The following MSRA variants were observed in gnomAD, a reference collection of about 807,000 sequenced individuals.
MSRA encodes methionine sulfoxide reductase A.
Under a neutral mutation model 31.3 loss-of-function variants are expected in MSRA, and 54 were observed. That is an observed-to-expected ratio of 1.73 (90% CI 1.39 to 2.17). MSRA has a LOEUF of 2.17. MSRA is among the 30% of genes most tolerant of loss of function. The probability of loss-of-function intolerance (pLI) is 0.00; values close to 1 mark genes in which losing one functional copy is unlikely to be tolerated. For synonymous variants in MSRA, 169 were observed against 116.5 expected (o/e 1.45, Z -2.90); for missense variants, 507 against 300.9 (o/e 1.69, Z -5.07).
chr8:10,355,937 T>C (rs924164243), intron 5 of MSRA, among the ~76,000 whole-genome samples: 3 of 152,010 alleles, frequency 2.0e-5, no homozygotes, highest in Admixed American at 1.3e-4. Context: ...TATTCAGTAC[T>C]AGAGCTAGGA....
At chr8:10,125,714 T>G (rs1484639) in intron 1 of MSRA, among the ~76,000 whole-genome samples, 80,741 of 152,066 alleles carry the variant, frequency 0.53, 22,417 homozygotes, top group East Asian at 0.96. Context: ...CTTAAATGTT[T>G]GTGGTGGTAG....
intron 5 of MSRA, among the ~76,000 whole-genome samples, chr8:10,399,412 C>G (rs980357792): frequency 3.3e-5 from 5 of 152,198 alleles, no homozygotes; most frequent in Non-Finnish European, 7.3e-5. Flanking sequence ...TCCTGAATGG[C>G]TTAGCGCCAT....
chr8:10,243,299 C>T (rs1432164777), intron 2 of MSRA, among the ~76,000 whole-genome samples: 2 of 152,144 alleles, frequency 1.3e-5, no homozygotes, highest in South Asian at 2.1e-4. Context: ...TGCACAGATC[C>T]TGGAGCTCTC....
chr8:10,406,951 C>T (rs918647152), intron 5 of MSRA, among the ~76,000 whole-genome samples: 8 of 152,216 alleles, frequency 5.3e-5, no homozygotes, highest in African/African-American at 1.7e-4. Context: ...CTTCTGGGCT[C>T]CCTGTGGCCT....
chr8:10,080,304 A>AT (rs1201308974), intron 1 of MSRA, among the ~76,000 whole-genome samples: 2 of 151,182 alleles, frequency 1.3e-5, no homozygotes, highest in South Asian at 2.1e-4. Context: ...CTTCTTGCAG[A>AT]TTTTTTTTAA....
intron 1 of MSRA, among the ~76,000 whole-genome samples, chr8:10,078,292 C>A (rs1798097548): frequency 6.6e-6 from 1 of 152,216 alleles, no homozygotes; most frequent in Non-Finnish European, 1.5e-5. Context: ...GTGTAATACC[C>A]ATGGTAGAGA....
chr8:10,162,829 G>T (rs1004035265), intron 1 of MSRA, among the ~76,000 whole-genome samples: 1 of 152,154 alleles, frequency 6.6e-6, no homozygotes, highest in Non-Finnish European at 1.5e-5. Flanking sequence ...AGGCCACACA[G>T]GTCATAGGTG....
At chr8:10,180,609 C>A (rs144060034) in intron 1 of MSRA, among the ~76,000 whole-genome samples, 1 of 152,184 alleles carries the variant, frequency 6.6e-6, no homozygotes, top group African/African-American at 2.4e-5. Context: ...TTTGCTATGA[C>A]TAACAAGATG....
intron 5 of MSRA, among the ~76,000 whole-genome samples, chr8:10,344,346 C>T (rs779950189): frequency 1.3e-5 from 2 of 151,526 alleles, no homozygotes; most frequent in Non-Finnish European, 2.9e-5. Flanking sequence ...TCCACCGAGG[C>T]AGGTGGATCA....
chr8:10,166,880 C>T, intron 1 of MSRA, among the ~76,000 whole-genome samples: 1 of 152,126 alleles, frequency 6.6e-6, no homozygotes, highest in East Asian at 1.9e-4. Flanking sequence ...GACTGATGCC[C>T]CCATACCCCT....
intron 3 of MSRA, among the ~76,000 whole-genome samples, chr8:10,278,701 C>CT (rs1272568940): frequency 3.9e-5 from 6 of 152,216 alleles, no homozygotes; most frequent in Non-Finnish European, 7.3e-5. Flanking sequence ...AGATAGAGCT[C>CT]TACCTCCCTG....
intron 5 of MSRA, among the ~76,000 whole-genome samples, chr8:10,421,569 C>T (rs552159246): frequency 4.6e-5 from 7 of 152,050 alleles, no homozygotes; most frequent in East Asian, 3.9e-4. Flanking sequence ...TGATCCTAAT[C>T]GTAAGCTTGT....
At chr8:10,259,033 G>T (rs1377234583) in intron 3 of MSRA, among the ~76,000 whole-genome samples, 1 of 151,852 alleles carries the variant, frequency 6.6e-6, no homozygotes, top group Non-Finnish European at 1.5e-5. Context: ...CTTGAACCTG[G>T]AAGGTGGAGG....
At chr8:10,295,201 A>G (rs1313062577) in intron 3 of MSRA, among the ~76,000 whole-genome samples, 1 of 152,004 alleles carries the variant, frequency 6.6e-6, no homozygotes, top group East Asian at 1.9e-4. Flanking sequence ...GTTCCGGGGC[A>G]TTGGGTTCTC....
intron 1 of MSRA, among the ~76,000 whole-genome samples, chr8:10,150,046 A>G (rs1330862001): frequency 6.6e-6 from 1 of 151,176 alleles, no homozygotes; most frequent in Non-Finnish European, 1.5e-5. Context: ...GGATTGGGGA[A>G]AAAGTGTCCT....
At chr8:10,119,129 A>G (rs950825162) in intron 1 of MSRA, among the ~76,000 whole-genome samples, 6 of 152,192 alleles carry the variant, frequency 3.9e-5, no homozygotes, top group African/African-American at 1.4e-4. Context: ...CTGCCTTCTC[A>G]TAGTTCATAG....
At chr8:10,105,835 G>T (rs753364590) in intron 1 of MSRA, among the ~76,000 whole-genome samples, 1 of 152,076 alleles carries the variant, frequency 6.6e-6, no homozygotes, top group Non-Finnish European at 1.5e-5. Flanking sequence ...ATGCTGTCCC[G>T]TCTAAACAAA....
chr8:10,202,260 A>T (rs1808565485), intron 1 of MSRA, among the ~76,000 whole-genome samples: 1 of 152,186 alleles, frequency 6.6e-6, no homozygotes, highest in East Asian at 1.9e-4. Flanking sequence ...TTTCAATGAG[A>T]AAATGTCTTT....
At chr8:10,256,040 C>T (rs937683223) in intron 3 of MSRA, among the ~76,000 whole-genome samples, 1 of 152,118 alleles carries the variant, frequency 6.6e-6, no homozygotes, top group Non-Finnish European at 1.5e-5. Context: ...GATGTTCTGA[C>T]ATGTATAATG....
Sources: gnomAD v4.1 joint callset for allele counts (sites outside exome capture counted in the v4.1 genomes callset) on GRCh38, gnomAD v4.1.1 for gene constraint, MANE v1.5 for transcripts, NCBI Gene and HGNC (gene_info 2026-07-23, HGNC 2026-07-21) for gene names.